The following GPLD1 variants were observed in gnomAD, a reference collection of about 807,000 sequenced individuals.
GPLD1 encodes the protein glycosylphosphatidylinositol specific phospholipase D1, also known as phosphatidylinositol-glycan-specific phospholipase D.
Under a neutral mutation model 112.6 loss-of-function variants are expected in GPLD1, and 84 were observed. The observed-to-expected ratio is 0.75, with a 90% CI of 0.63 to 0.89. GPLD1 has a LOEUF of 0.89. GPLD1 is among the 40% of genes least tolerant of loss of function. The probability of loss-of-function intolerance (pLI) is 0.00; values close to 1 mark genes in which losing one functional copy is unlikely to be tolerated. For synonymous variants in GPLD1, 386 were observed against 403.8 expected (o/e 0.96, Z 0.53); for missense variants, 1,044 against 1,051.5 (o/e 0.99, Z 0.10).
Position 24,427,702 on chromosome 6 carries a change from C to T in GPLD1, c.*1330G>A, listed in dbSNP as rs951172912. Among the ~76,000 whole-genome samples the T allele has an allele frequency of 2.6e-5, 4 of 151,738 alleles. No individual in the cohort carries two copies. The highest frequency in any genetic ancestry group is 5.9e-5 in the Non-Finnish European group (4 of 67,938). ...CTCTACTAAAAATACAAAAATTAGC[C>T]GGGCGTAGTATTGTGCACCTGTAGT... On this transcript the variant is annotated 3_prime_UTR_variant, in exon 25 of 25. Transcript: ENST00000230036.
At chr6:24,475,072 A>T (rs6901703) in intron 5 of GPLD1, 49 bp downstream of exon 5, 142,373 of 916,216 alleles carry the variant, frequency 0.16, 15,138 homozygotes, top group African/African-American at 0.46. Flanking sequence ...ATCTTAGGTG[A>T]GACAGTATCA....
Position 24,428,837 on chromosome 6 carries a change from G to A in GPLD1, c.*195C>T, listed in dbSNP as rs531779287. On this transcript the variant is annotated 3_prime_UTR_variant, in exon 25 of 25. Coordinates refer to ENST00000230036, the MANE Select transcript of GPLD1 (RefSeq NM_001503.4). ...ATGTCTGCTATTTCACATATTTCTG[G>A]TGCAGTCATATATTTACTGTATCAG... 7.7e-5 allele frequency: 34 copies of A among 443,366 alleles called. No individual in the cohort carries two copies. The East Asian group carries it at 1.2e-3, about 15-fold the overall frequency. The allele number at this position is 443,366 out of a possible 1,614,324, so 27.5% of individuals were successfully genotyped here. A position where few individuals can be genotyped will look rare whatever the true frequency, so the allele number is the denominator to read the frequency against.
At chr6:24,485,694 A>T (rs78210819) in intron 2 of GPLD1, among the ~76,000 whole-genome samples, 1 of 146,902 alleles carries the variant, frequency 6.8e-6, no homozygotes, top group African/African-American at 2.6e-5. Context: ...TTTGAGACGG[A>T]GTTTCACTCT....
At chr6:24,443,596 C>CT (rs1039520680) in intron 20 of GPLD1, among the ~76,000 whole-genome samples, 6 of 151,582 alleles carry the variant, frequency 4.0e-5, no homozygotes, top group African/African-American at 7.3e-5. Context: ...TAAGTCAGCA[C>CT]TTTTTTTTTG....
intron 4 of GPLD1, among the ~76,000 whole-genome samples, chr6:24,475,812 C>A (rs369873258): frequency 6.8e-6 from 1 of 147,128 alleles, no homozygotes; most frequent in African/African-American, 2.5e-5. Flanking sequence ...GAGCTAAGAT[C>A]GCGCCACTGC....
In GPLD1 at chr6:24,446,909, G is replaced by C. The variant is rs1409777919; in HGVS notation, c.1749C>G (p.Ser583=). The change falls in exon 18 of 25, where the codon TCC becomes TCG. Residue 583 remains serine (S), a synonymous_variant. Transcript: ENST00000230036. ...GEEDFSWFGY[S]LHGVTVDNRT... ...TGTTGTCCACAGTGACACCGTGAAG[G>C]GAATATCCAAACCAGGAGAAGTCTT... 3 of 1,613,910 alleles carry C rather than the reference G, an allele frequency of 1.9e-6. No homozygotes were observed. In the South Asian group the frequency reaches 3.3e-5, roughly 18 times the overall value.
chr6:24,481,703 G>A (rs750898913), intron 2 of GPLD1, among the ~76,000 whole-genome samples: 10 of 152,130 alleles, frequency 6.6e-5, no homozygotes, highest in Admixed American at 1.3e-4. Flanking sequence ...TGTGGCTGCT[G>A]AGCTCTGACG....
chr6:24,449,983 T>C (rs2127335914), intron 14 of GPLD1, 84 bp from the exon 15 acceptor site: 1 of 923,630 alleles, frequency 1.1e-6, no homozygotes, highest in Admixed American at 2.4e-5. Flanking sequence ...TAGAGAGGCC[T>C]GGGACAACCC....
At chr6:24,457,640 T>C (rs1471609709) in intron 12 of GPLD1, among the ~76,000 whole-genome samples, 2 of 151,878 alleles carry the variant, frequency 1.3e-5, no homozygotes, top group African/African-American at 4.8e-5. Context: ...CCTAGCACTT[T>C]GGGAGGTCAA....
chr6:24,465,701 C>G (rs1216621622), intron 10 of GPLD1, among the ~76,000 whole-genome samples: 1 of 152,096 alleles, frequency 6.6e-6, no homozygotes, highest in African/African-American at 2.4e-5. Context: ...CACAGTCTAC[C>G]TTATCTATAT....
Position 24,454,060 on chromosome 6 carries a change from G to A in GPLD1, c.1290C>T (p.Asp430=), listed in dbSNP as rs377256413. The A allele has an allele frequency of 3.1e-6, 5 of 1,613,342 alleles. No individual in the cohort carries two copies. Among genetic ancestry groups the A allele is most frequent in the Non-Finnish European group, 4.2e-6 (5 of 1,179,458 alleles). The stretch of plus-strand genomic sequence containing the variant: ...TGTGGGCCTCCTTGTCCAGGTCCAG[G>A]TCAACAGGTGGCAGGCCCAGGTCAT... ...YGNDLGLPPV[D]LDLDKEAHRI... The change falls in exon 14 of 25, where the codon GAC becomes GAT. Residue 430 remains aspartate (D), a synonymous_variant. Transcript: ENST00000230036.
intron 20 of GPLD1, among the ~76,000 whole-genome samples, chr6:24,440,581 C>CAAAAAAAAAAAAAAAAAAAAA (rs58480061): frequency 1.7e-5 from 2 of 118,528 alleles, no homozygotes; most frequent in Non-Finnish European, 1.8e-5. Context: ...AAAAAATACT[C>CAAAAAAAAAAAAAAAAAAAAA]AAAAAAAAAA....
chr6:24,477,781 A>C (rs1764071443), intron 3 of GPLD1, among the ~76,000 whole-genome samples: 2 of 152,186 alleles, frequency 1.3e-5, no homozygotes, highest in African/African-American at 4.8e-5. Flanking sequence ...TTTGGCAATT[A>C]AGTATCTAAG....
At chr6:24,474,233 T>C (rs867873842) in intron 5 of GPLD1, among the ~76,000 whole-genome samples, 1 of 151,486 alleles carries the variant, frequency 6.6e-6, no homozygotes, top group Non-Finnish European at 1.5e-5. Context: ...GTTGGATACA[T>C]ATGTCTGGCA....
At chr6:24,475,671 C>T (rs2760154) in intron 4 of GPLD1, among the ~76,000 whole-genome samples, 47,444 of 143,052 alleles carry the variant, frequency 0.33, 8,241 homozygotes, top group Non-Finnish European at 0.36. Context: ...GGTGAAACCC[C>T]GTCTCTACTA....
intron 11 of GPLD1, 54 bp downstream of exon 11, chr6:24,462,676 A>G (rs1763474945): frequency 8.8e-7 from 1 of 1,138,790 alleles, no homozygotes; most frequent in Non-Finnish European, 1.3e-6. Flanking sequence ...TCTATAGGGC[A>G]TCTCCTCCAG....
In GPLD1 at chr6:24,426,081, C is replaced by G. The variant is rs556539961; in HGVS notation, c.*2951G>C. The G allele has an allele frequency of 3.9e-5, 6 of 152,164 alleles. No individual in the cohort carries two copies. Among genetic ancestry groups the G allele is most frequent in the Non-Finnish European group, 7.3e-5 (5 of 68,036 alleles). The allele number at this position is 152,164 out of a possible 1,614,324, so 9.4% of individuals were successfully genotyped here. On this transcript the variant is annotated 3_prime_UTR_variant, in exon 25 of 25. Coordinates refer to ENST00000230036, the MANE Select transcript of GPLD1 (RefSeq NM_001503.4). ...TACAAAGGCATAAAACAATTCCTAT[C>G]TTGAAGCCTTGAGAAAAGCTGTTAC...
chr6:24,479,493 C>G (rs1009701246), intron 3 of GPLD1, among the ~76,000 whole-genome samples: 2 of 152,234 alleles, frequency 1.3e-5, no homozygotes, highest in Non-Finnish European at 2.9e-5. Flanking sequence ...CAGGACAATC[C>G]AGTCTTTGCC....
In GPLD1 at chr6:24,428,006, G is replaced by A. The variant is rs948067970; in HGVS notation, c.*1026C>T. Reference sequence around the variant, plus strand: ...CACACACTGGGGTCTACTTGAGTGGGGAAGGTGGGAGGAACAGAAAAGATA... The same window carrying A: ...CACACACTGGGGTCTACTTGAGTGGAGAAGGTGGGAGGAACAGAAAAGATA... On this transcript the variant is annotated 3_prime_UTR_variant, in exon 25 of 25. Transcript: ENST00000230036. Among the ~76,000 whole-genome samples, 2 of 152,182 alleles carry A rather than the reference G, an allele frequency of 1.3e-5. No individual in the cohort carries two copies. The highest frequency in any genetic ancestry group is 4.1e-4 in the South Asian group (2 of 4,820).
Sources: allele counts gnomAD v4.1 joint callset (sites outside exome capture counted in the v4.1 genomes callset), GRCh38; gene constraint gnomAD v4.1.1; transcripts MANE v1.5; gene names NCBI Gene and HGNC (gene_info 2026-07-23, HGNC 2026-07-21).